The following FSTL4 variants were observed in gnomAD, a reference collection of about 807,000 sequenced individuals.
FSTL4 encodes follistatin like 4, also known as follistatin-related protein 4.
Under a neutral mutation model 78.2 loss-of-function variants are expected in FSTL4, and 28 were observed. The observed-to-expected ratio is 0.36, with a 90% CI of 0.27 to 0.49. FSTL4 has a LOEUF of 0.49. Among genes scored for constraint, FSTL4 ranks in the 20% least tolerant of loss-of-function variants. The pLI is 0.98. For missense variants in FSTL4, 922 were observed against 1,084.9 expected (o/e 0.85, Z 2.11); for synonymous variants, 422 against 440.5 (o/e 0.96, Z 0.53).
At chr5:133,201,597 G>A (rs1750322466) in intron 15 of FSTL4, among the ~76,000 whole-genome samples, 1 of 152,200 alleles carries the variant, frequency 6.6e-6, no homozygotes. Context: ...AGATTTTTGT[G>A]TCTAGCAAGC....
intron 3 of FSTL4, among the ~76,000 whole-genome samples, chr5:133,463,320 C>T (rs919177882): frequency 2.6e-5 from 4 of 152,180 alleles, no homozygotes; most frequent in African/African-American, 9.7e-5. Context: ...TCTTGATATC[C>T]AATCAAGTGT....
At position 133,491,478 on chromosome 5, in the gene FSTL4, C is replaced by A. The variant is rs1205356885; in HGVS notation, c.160+75708G>T. Reference sequence around the variant, plus strand: ...GCAGTGGAACTATCTCGGCTCACTGCAAGCTCCACCTCCCAGGTTCATGCC... The same window carrying A: ...GCAGTGGAACTATCTCGGCTCACTGAAAGCTCCACCTCCCAGGTTCATGCC... On this transcript the variant is annotated intron_variant, in intron 3 of 15. Coordinates refer to ENST00000265342, the MANE Select transcript of FSTL4 (RefSeq NM_015082.2). 2.0e-5 allele frequency among the ~76,000 whole-genome samples: 3 copies of A among 151,658 alleles called. No individual in the cohort carries two copies. In the East Asian group the frequency reaches 5.8e-4, roughly 29 times the overall value.
intron 8 of FSTL4, among the ~76,000 whole-genome samples, chr5:133,228,094 GCA>G (rs1424526589): frequency 6.6e-6 from 1 of 152,118 alleles, no homozygotes; most frequent in Non-Finnish European, 1.5e-5. Context: ...GGGTGTGGTG[GCA>G]CACACCTCTG....
chr5:133,225,248 T>A lies in FSTL4; in HGVS notation c.1214A>T (p.Tyr405Phe). ...GSELHISSVR[Y>F]EDTGAYTCIA... ...GCAGGTGTATGCCCCTGTGTCTTCATACCGAACACTGCTGATGTGGAGTTC... is the reference window on the plus strand; with the variant it reads ...GCAGGTGTATGCCCCTGTGTCTTCAAACCGAACACTGCTGATGTGGAGTTC... The change falls in exon 10 of 16, where the codon TAT becomes TTT. Residue 405 changes from tyrosine to phenylalanine, a missense_variant. Transcript: ENST00000265342. This position sits in a 1 kb window ranked among gnomAD's most constrained non-coding sequence, Gnocchi z 4.6. 6.2e-7 allele frequency: 1 copy of A among 1,614,200 alleles called. No individual in the cohort carries two copies. The highest frequency in any genetic ancestry group is 8.5e-7 in the Non-Finnish European group (1 of 1,180,016).
At chr5:133,746,582 A>C in the FSTL4 span, among the ~76,000 whole-genome samples, 2 of 152,170 alleles carry the variant, frequency 1.3e-5, 1 homozygote, top group Admixed American at 1.3e-4. Flanking sequence ...AGACAGAAAA[A>C]ATAATTTCTG....
At chr5:133,434,055 T>G (rs1422415252) in intron 3 of FSTL4, among the ~76,000 whole-genome samples, 1 of 152,056 alleles carries the variant, frequency 6.6e-6, no homozygotes, top group African/African-American at 2.4e-5. Flanking sequence ...AACAGATTAC[T>G]ATGGCTATTG....
intron 1 of FSTL4, among the ~76,000 whole-genome samples, chr5:133,610,971 G>T (rs1761077057): frequency 6.6e-6 from 1 of 152,104 alleles, no homozygotes. Context: ...CTGGACGGAT[G>T]TTTGTATCTC....
the FSTL4 span, among the ~76,000 whole-genome samples, chr5:133,798,492 G>A: frequency 0.46 from 68,904 of 149,866 alleles, 18,265 homozygotes; most frequent in Middle Eastern, 0.67. Context: ...TAGCTAAGCT[G>A]TAAGACTAGA....
At chr5:133,230,540 T>G (rs11948027) in intron 8 of FSTL4, among the ~76,000 whole-genome samples, 24,719 of 152,224 alleles carry the variant, frequency 0.16, 2,126 homozygotes, top group African/African-American at 0.22. Flanking sequence ...TCACATGTGC[T>G]TAGAGTGAGA....
At chr5:133,319,244 T>C (rs956061455) in intron 4 of FSTL4, among the ~76,000 whole-genome samples, 1 of 152,174 alleles carries the variant, frequency 6.6e-6, no homozygotes, top group African/African-American at 2.4e-5. Context: ...GTCAATCATC[T>C]GGGGGAAAGG....
chr5:133,504,596 C>T (rs961656714), intron 3 of FSTL4, among the ~76,000 whole-genome samples: 3 of 152,302 alleles, frequency 2.0e-5, no homozygotes, highest in African/African-American at 4.8e-5. Context: ...GGACTCTGAG[C>T]GACCTAGTCA....
At chr5:133,729,209 A>G in the FSTL4 span, among the ~76,000 whole-genome samples, 1 of 139,186 alleles carries the variant, frequency 7.2e-6, no homozygotes, top group Admixed American at 7.5e-5. Flanking sequence ...GAATTCCTGC[A>G]TATGTAGATT....
intron 3 of FSTL4, among the ~76,000 whole-genome samples, chr5:133,481,742 T>C (rs1443368615): frequency 6.6e-6 from 1 of 152,072 alleles, no homozygotes; most frequent in East Asian, 1.9e-4. Flanking sequence ...TACATGGAGC[T>C]TACAGTCTGA....
the FSTL4 span, among the ~76,000 whole-genome samples, chr5:133,645,782 G>A: frequency 5.3e-5 from 8 of 152,096 alleles, no homozygotes; most frequent in Non-Finnish European, 1.0e-4. Context: ...AGAGATTGGA[G>A]TTATGCAACC....
intron 3 of FSTL4, among the ~76,000 whole-genome samples, chr5:133,463,370 C>G (rs982435493): frequency 1.3e-5 from 2 of 152,182 alleles, no homozygotes; most frequent in Non-Finnish European, 2.9e-5. Context: ...TTCCCCACCC[C>G]CTACACCAAA....
At chr5:133,252,736 G>T (rs1752290531) in intron 6 of FSTL4, among the ~76,000 whole-genome samples, 1 of 152,256 alleles carries the variant, frequency 6.6e-6, no homozygotes, top group South Asian at 2.1e-4. Flanking sequence ...CTTCCTCCAT[G>T]TGGCCCCAAA....
At chr5:133,533,698 T>G (rs936387376) in intron 3 of FSTL4, among the ~76,000 whole-genome samples, 1 of 152,156 alleles carries the variant, frequency 6.6e-6, no homozygotes, top group Non-Finnish European at 1.5e-5. Flanking sequence ...GAACAAACAT[T>G]CGCTTCATCA....
chr5:133,258,116 A>T (rs990257787), intron 6 of FSTL4, among the ~76,000 whole-genome samples: 2 of 152,178 alleles, frequency 1.3e-5, no homozygotes, highest in African/African-American at 4.8e-5. Context: ...CTGTGCACTC[A>T]TTATGACTAT....
the FSTL4 span, among the ~76,000 whole-genome samples, chr5:133,635,437 G>A: frequency 6.6e-6 from 1 of 152,348 alleles, no homozygotes; most frequent in African/African-American, 2.4e-5. Flanking sequence ...ATATGGGAAA[G>A]TACGTGGACC....
Sources: allele counts gnomAD v4.1 joint callset (sites outside exome capture counted in the v4.1 genomes callset), GRCh38; gene constraint gnomAD v4.1.1; non-coding constraint Gnocchi (gnomAD v3.1); transcripts MANE v1.5; gene names NCBI Gene and HGNC (gene_info 2026-07-23, HGNC 2026-07-21).